MDH1B: variants seen among roughly 807,000 people sequenced by gnomAD.
MDH1B encodes malate dehydrogenase 1B.
Under a neutral mutation model 61.4 loss-of-function variants are expected in MDH1B, and 60 were observed. That is an observed-to-expected ratio of 0.98 (90% CI 0.79 to 1.21). The LOEUF is 1.21. Ranked by LOEUF, MDH1B falls within the 50% of genes most tolerant of loss-of-function variation. The pLI is 0.00. For missense variants in MDH1B, 587 were observed against 632.1 expected, an observed-to-expected ratio of 0.93 and a Z score of 0.76; for synonymous variants, 236 against 218.7, an observed-to-expected ratio of 1.08 and a Z score of -0.70.
intron 5 of MDH1B, among the ~76,000 whole-genome samples, chr2:206,752,551 G>C (rs908998178): frequency 2.6e-5 from 4 of 152,078 alleles, no homozygotes; most frequent in African/African-American, 9.7e-5. Flanking sequence ...TAGGAGGGTG[G>C]GGAGGGTGGG....
At chr2:206,745,710 C>T (rs1243718665) in intron 8 of MDH1B, 37 bp from the exon 9 acceptor site, 3 of 1,093,252 alleles carry the variant, frequency 2.7e-6, no homozygotes, top group Admixed American at 4.0e-5. Context: ...TAAATGACCA[C>T]AATTCCTAAC....
At chr2:206,755,857 A>G (rs1688729467) in intron 4 of MDH1B, among the ~76,000 whole-genome samples, 1 of 152,130 alleles carries the variant, frequency 6.6e-6, no homozygotes, top group African/African-American at 2.4e-5. Context: ...TAAAGATGTA[A>G]GTTTCAGTTA....
At chr2:206,748,566 C>T (rs914623123) in intron 7 of MDH1B, among the ~76,000 whole-genome samples, 1 of 152,156 alleles carries the variant, frequency 6.6e-6, no homozygotes, top group Non-Finnish European at 1.5e-5. Flanking sequence ...GTCTGTGCTC[C>T]TATGGTTCCC....
chr2:206,757,961 T>C (rs904266006), intron 2 of MDH1B, among the ~76,000 whole-genome samples: 1 of 152,208 alleles, frequency 6.6e-6, no homozygotes, highest in Non-Finnish European at 1.5e-5. Context: ...GCAAAGTACA[T>C]GGCAGCAGTC....
intron 1 of MDH1B, 49 bp downstream of exon 1, chr2:206,765,201 T>C: frequency 6.3e-7 from 1 of 1,593,422 alleles, no homozygotes; most frequent in Non-Finnish European, 8.5e-7. Context: ...GGAGGTGAGC[T>C]GTTGTCGGCG....
At chr2:206,755,885 A>AT (rs1688731194) in intron 4 of MDH1B, among the ~76,000 whole-genome samples, 1 of 151,394 alleles carries the variant, frequency 6.6e-6, no homozygotes, top group Non-Finnish European at 1.5e-5. Flanking sequence ...CTCTTTTTTA[A>AT]AAAATACAAC....
intron 1 of MDH1B, among the ~76,000 whole-genome samples, chr2:206,761,945 T>C (rs1689119845): frequency 6.6e-6 from 1 of 152,206 alleles, no homozygotes; most frequent in African/African-American, 2.4e-5. Flanking sequence ...CTTTCTCCAC[T>C]ATCCTTTTGG....
intron 8 of MDH1B, 61 bp from the exon 9 acceptor site, chr2:206,745,734 T>TA: frequency 1.6e-5 from 11 of 707,766 alleles, no homozygotes; most frequent in South Asian, 3.1e-5. Context: ...ATTCTTCTTT[T>TA]TTTTTTTTTT....
chr2:206,744,540 A>G (rs530486253), intron 9 of MDH1B, among the ~76,000 whole-genome samples: 1 of 152,308 alleles, frequency 6.6e-6, no homozygotes, highest in South Asian at 2.1e-4. Context: ...AAATACCAAT[A>G]AGAAAAATAA....
intron 2 of MDH1B, among the ~76,000 whole-genome samples, chr2:206,759,051 G>A (rs940933732): frequency 6.8e-6 from 1 of 146,326 alleles, no homozygotes; most frequent in African/African-American, 2.7e-5. Flanking sequence ...TGTGTCATGG[G>A]GGTTTGTTTT....
intron 2 of MDH1B, among the ~76,000 whole-genome samples, chr2:206,757,863 A>G (rs1251724306): frequency 6.6e-6 from 1 of 152,224 alleles, no homozygotes; most frequent in Admixed American, 6.5e-5. Flanking sequence ...TTTATCAGAA[A>G]AAATTTAAAT....
chr2:206,740,250 G>C (rs1425036751), intron 10 of MDH1B, among the ~76,000 whole-genome samples: 1 of 152,024 alleles, frequency 6.6e-6, no homozygotes, highest in Non-Finnish European at 1.5e-5. Flanking sequence ...CAGAAGTCTT[G>C]CCAATAACAG....
At chr2:206,748,504 C>T (rs933892871) in intron 7 of MDH1B, among the ~76,000 whole-genome samples, 1 of 152,190 alleles carries the variant, frequency 6.6e-6, no homozygotes, top group Non-Finnish European at 1.5e-5. Context: ...CCAGCGCTGC[C>T]TGGTACCCTG....
In MDH1B at chr2:206,751,003, T is replaced by G; in HGVS notation, c.983A>C (p.Tyr328Ser). The G allele has an allele frequency of 6.2e-7, 1 of 1,611,476 alleles. No individual in the cohort carries two copies. The highest frequency in any genetic ancestry group is 8.5e-7 in the Non-Finnish European group (1 of 1,178,300). ...NYVDLRKTRV[Y>S]RYESAIWGPL... Reference sequence around the variant, plus strand: ...TCCCCAAATGGCACTCTCATATCTGTACACCCTTGTTTTTCTCAGATCAAC... The same window carrying G: ...TCCCCAAATGGCACTCTCATATCTGGACACCCTTGTTTTTCTCAGATCAAC... Residue 328 changes from tyrosine (Y) to serine (S), a missense_variant, in exon 6 of 12, where the codon TAC becomes TCC. Physicochemically the swap from Tyr to Ser is moderately radical, Grantham distance 144. Coordinates refer to ENST00000374412, the MANE Select transcript of MDH1B (RefSeq NM_001039845.3).
At chr2:206,760,395 T>C (rs75254890) in intron 2 of MDH1B, among the ~76,000 whole-genome samples, 196 of 152,310 alleles carry the variant, frequency 1.3e-3, no homozygotes, top group African/African-American at 4.5e-3. Flanking sequence ...AAGAGTTCAC[T>C]GTGGGATCCG....
intron 11 of MDH1B, among the ~76,000 whole-genome samples, chr2:206,738,852 CT>C (rs1167862780): frequency 2.0e-5 from 3 of 152,170 alleles, no homozygotes; most frequent in African/African-American, 4.8e-5. Context: ...CTAATTCCCC[CT>C]GATTAGCCCC....
chr2:206,756,589 G>A, intron 4 of MDH1B: 1 of 281,586 alleles, frequency 3.6e-6, no homozygotes, highest in South Asian at 5.6e-5. Flanking sequence ...CTAGCACGTG[G>A]GAAAGAGGGA....
chr2:206,749,727 A>T (rs1006756453), intron 6 of MDH1B, among the ~76,000 whole-genome samples: 16 of 152,216 alleles, frequency 1.1e-4, no homozygotes, highest in Non-Finnish European at 2.2e-4. Flanking sequence ...GTAATTTTAT[A>T]CAACATGTTT....
chr2:206,751,158 T>G (rs957984784), intron 5 of MDH1B, 83 bp from the exon 6 acceptor site: 1 of 984,094 alleles, frequency 1.0e-6, no homozygotes, highest in East Asian at 2.7e-5. Context: ...TTTGTTTGCG[T>G]GCATGTTTGT....
Sources: gnomAD v4.1 joint callset for allele counts (sites outside exome capture counted in the v4.1 genomes callset) on GRCh38, gnomAD v4.1.1 for gene constraint, MANE v1.5 for transcripts, NCBI Gene and HGNC (gene_info 2026-07-23, HGNC 2026-07-21) for gene names.